The following ULK4 variants were observed in gnomAD, a reference collection of about 807,000 sequenced individuals.
The protein encoded by ULK4 is unc-51 like kinase 4.
In ULK4, 133 loss-of-function variants were observed where a neutral mutation model predicts 160.6. The observed-to-expected ratio is 0.83, with a 90% confidence interval of 0.72 to 0.96. The LOEUF (loss-of-function observed/expected upper bound fraction) is 0.96. ULK4 is among the 40% of genes least tolerant of loss of function. ULK4 has a pLI of 0.00. For missense variants in ULK4, 1,580 were observed against 1,499.5 expected (o/e 1.05, Z -0.89); for synonymous variants, 534 against 539.8 (o/e 0.99, Z 0.15).
intron 34 of ULK4, among the ~76,000 whole-genome samples, chr3:41,423,541 T>C (rs757490074): frequency 3.3e-5 from 5 of 151,890 alleles, no homozygotes; most frequent in Admixed American, 6.6e-5. Flanking sequence ...ACTTGAAAAT[T>C]TGGCTTTTTG....
At chr3:41,915,926 A>T (rs1403718648) in intron 8 of ULK4, 51 bp downstream of exon 8, 22 of 1,309,408 alleles carry the variant, frequency 1.7e-5, no homozygotes, top group Non-Finnish European at 2.3e-5. Flanking sequence ...CCCTTACTCC[A>T]TTTGCAGAAC....
chr3:41,484,794 TG>T (rs1200014097), intron 32 of ULK4, among the ~76,000 whole-genome samples: 5 of 152,138 alleles, frequency 3.3e-5, no homozygotes, highest in Non-Finnish European at 5.9e-5. Context: ...CATTTGAAGA[TG>T]GAGAACGACC....
intron 22 of ULK4, among the ~76,000 whole-genome samples, chr3:41,740,244 T>C (rs2038197908): frequency 6.6e-6 from 1 of 151,930 alleles, no homozygotes; most frequent in Non-Finnish European, 1.5e-5. Flanking sequence ...AAATATTTAT[T>C]TTAAATAATA....
intron 1 of ULK4, 116 bp downstream of exon 1, chr3:41,961,900 G>C (rs896024896): frequency 6.5e-6 from 1 of 152,762 alleles, no homozygotes; most frequent in Admixed American, 6.5e-5. Flanking sequence ...CAGAAGGAGA[G>C]AGGGCGGCCA....
chr3:41,328,438 G>A lies in ULK4; in HGVS notation c.3678+69641C>T, dbSNP rs142190254. 5.3e-3 allele frequency among the ~76,000 whole-genome samples: 811 copies of A among 152,224 alleles called. 9 individuals carry two copies. The highest frequency in any genetic ancestry group is 0.018 in the African/African-American group (759 of 41,536). The stretch of plus-strand genomic sequence containing the variant: ...AGTAGACAAAAGAGACCAGAGGAGT[G>A]GAGAGTGTAGAAACCAGGATGAGAA... On this transcript the variant is annotated intron_variant, in intron 35 of 36. Transcript: ENST00000301831.
At chr3:41,930,288 G>A (rs1000581270) in intron 5 of ULK4, among the ~76,000 whole-genome samples, 5 of 151,988 alleles carry the variant, frequency 3.3e-5, no homozygotes, top group African/African-American at 1.2e-4. Context: ...CTAGCCATAT[G>A]CAGAAAAATG....
intron 35 of ULK4, among the ~76,000 whole-genome samples, chr3:41,305,985 AACCG>A (rs1212325886): frequency 0.086 from 11,658 of 134,858 alleles, 1,278 homozygotes; most frequent in African/African-American, 0.26. Flanking sequence ...TCTGCCCGGC[AACCG>A]CCCCGTCTGA....
At chr3:41,783,985 C>G (rs1252206819) in intron 21 of ULK4, among the ~76,000 whole-genome samples, 1 of 152,216 alleles carries the variant, frequency 6.6e-6, no homozygotes, top group Non-Finnish European at 1.5e-5. Context: ...TAAACTCATA[C>G]CTAACCTACA....
chr3:41,449,730 T>C (rs1245382045), intron 34 of ULK4, among the ~76,000 whole-genome samples: 1 of 152,078 alleles, frequency 6.6e-6, no homozygotes, highest in Non-Finnish European at 1.5e-5. Flanking sequence ...GTAATAAAAA[T>C]GGAAAACAGA....
chr3:41,688,398 A>T (rs1230737632), intron 27 of ULK4, among the ~76,000 whole-genome samples: 1 of 152,202 alleles, frequency 6.6e-6, no homozygotes, highest in African/African-American at 2.4e-5. Flanking sequence ...CTAAAAAATG[A>T]ATAAACAAAC....
At chr3:41,551,559 A>G (rs1403403706) in intron 32 of ULK4, among the ~76,000 whole-genome samples, 2 of 151,876 alleles carry the variant, frequency 1.3e-5, no homozygotes, top group African/African-American at 2.4e-5. Flanking sequence ...AACTGCCAAG[A>G]TTGAATCAGG....
chr3:41,777,584 A>T (rs2039673344), intron 21 of ULK4, among the ~76,000 whole-genome samples: 1 of 78,578 alleles, frequency 1.3e-5, no homozygotes, highest in East Asian at 2.7e-4. Context: ...CCCTCTACAC[A>T]CTGCTTTGAA....
intron 17 of ULK4, among the ~76,000 whole-genome samples, chr3:41,854,409 G>T (rs2042286361): frequency 6.6e-6 from 1 of 152,112 alleles, no homozygotes; most frequent in Admixed American, 6.6e-5. Context: ...GACCACAGTG[G>T]AAATCATGAG....
At chr3:41,481,828 A>G (rs1409397411) in intron 32 of ULK4, among the ~76,000 whole-genome samples, 2 of 101,108 alleles carry the variant, frequency 2.0e-5, no homozygotes, top group South Asian at 2.5e-4. Context: ...CTCCGTCTCA[A>G]AAAAAAAAAA....
intron 35 of ULK4, among the ~76,000 whole-genome samples, chr3:41,310,555 A>C (rs1354730151): frequency 6.6e-6 from 1 of 152,262 alleles, no homozygotes; most frequent in African/African-American, 2.4e-5. Context: ...CAATAAATGC[A>C]AACAGGATAA....
At chr3:41,845,060 G>C (rs562578637) in intron 17 of ULK4, among the ~76,000 whole-genome samples, 4 of 151,744 alleles carry the variant, frequency 2.6e-5, no homozygotes, top group Admixed American at 2.6e-4. Flanking sequence ...CCGCTTCCCG[G>C]GTTCATGCCA....
At chr3:41,705,014 G>A (rs543782556) in intron 27 of ULK4, 43 bp downstream of exon 27, 2 of 1,511,634 alleles carry the variant, frequency 1.3e-6, no homozygotes, top group East Asian at 2.3e-5. Flanking sequence ...GAATTACCAA[G>A]TAAATTTAAA....
intron 35 of ULK4, among the ~76,000 whole-genome samples, chr3:41,391,914 C>G (rs1355106247): frequency 6.6e-6 from 1 of 151,994 alleles, no homozygotes; most frequent in Non-Finnish European, 1.5e-5. Flanking sequence ...GAGAAGGTGA[C>G]AGGGAGTTAG....
chr3:41,565,980 G>A (rs1375892769), intron 32 of ULK4, 45 bp downstream of exon 32: 2 of 1,501,298 alleles, frequency 1.3e-6, no homozygotes, highest in Non-Finnish European at 1.8e-6. Flanking sequence ...ATGAAGAAAT[G>A]AATAGGCAAA....
Sources: gnomAD v4.1 joint callset for allele counts (sites outside exome capture counted in the v4.1 genomes callset) on GRCh38, gnomAD v4.1.1 for gene constraint, MANE v1.5 for transcripts, NCBI Gene and HGNC (gene_info 2026-07-23, HGNC 2026-07-21) for gene names.